MVB12B: variants seen among roughly 807,000 people sequenced by gnomAD.
The protein encoded by MVB12B is ESCRT-I complex subunit MVB12B.
MVB12B carries 16 observed loss-of-function variants against 41.6 expected under a neutral mutation model. The ratio of observed to expected loss-of-function variants is 0.38; its 90% CI spans 0.26 to 0.58. MVB12B has a LOEUF of 0.58. MVB12B is among the 20% of genes least tolerant of loss of function. The pLI, the probability that MVB12B is intolerant of heterozygous loss-of-function variation, is 0.62. For synonymous variants in MVB12B, 133 were observed against 139.7 expected, an observed-to-expected ratio of 0.95 and a Z score of 0.34; for missense variants, 274 against 380.2, an observed-to-expected ratio of 0.72 and a Z score of 2.32.
intron 7 of MVB12B, among the ~76,000 whole-genome samples, chr9:126,439,583 C>T (rs1832580630): frequency 6.6e-6 from 1 of 152,238 alleles, no homozygotes; most frequent in Non-Finnish European, 1.5e-5. Flanking sequence ...AAATGTGACT[C>T]AGAGCCTAGA....
chr9:126,403,691 T>G (rs1831332286), intron 6 of MVB12B, among the ~76,000 whole-genome samples: 1 of 152,202 alleles, frequency 6.6e-6, no homozygotes, highest in Non-Finnish European at 1.5e-5. Context: ...GTCATCTCAT[T>G]CCATGCTCAC....
At chr9:126,427,004 C>T (rs1832198757) in intron 7 of MVB12B, 2 of 152,230 alleles carry the variant, frequency 1.3e-5, no homozygotes, top group Admixed American at 1.3e-4. Context: ...TCTGCACTTT[C>T]CCACATTATT....
At chr9:126,393,583 A>C (rs1342634090) in intron 5 of MVB12B, among the ~76,000 whole-genome samples, 6 of 152,376 alleles carry the variant, frequency 3.9e-5, no homozygotes, top group South Asian at 2.1e-4. Flanking sequence ...CTCCATTGGA[A>C]CTCAAGGACA....
intron 6 of MVB12B, among the ~76,000 whole-genome samples, chr9:126,413,734 G>C (rs954167623): frequency 6.6e-6 from 1 of 152,090 alleles, no homozygotes; most frequent in East Asian, 1.9e-4. Context: ...GTATGGCAGA[G>C]GAAAAGTCTG....
intron 6 of MVB12B, chr9:126,396,770 C>T (rs1831125780): frequency 1.0e-6 from 1 of 985,330 alleles, no homozygotes; most frequent in Non-Finnish European, 1.2e-6. Flanking sequence ...CTTAACTACC[C>T]CTGGAATTGC....
At position 126,412,053 on chromosome 9, in the gene MVB12B, G is replaced by T. The variant is rs553782696; in HGVS notation, c.663-9801G>T. Among the ~76,000 whole-genome samples the T allele has an allele frequency of 4.6e-5, 7 of 152,314 alleles. 1 individual carries two copies. The South Asian group carries it at 1.4e-3, about 32-fold the overall frequency. On this transcript the variant is annotated intron_variant, in intron 6 of 9. Transcript: ENST00000361171. ...TTTAAGAAATAAGGTTCCCCAAACT[G>T]TCAGCAAGTGTGGGCAATGGTCAGG...
At chr9:126,330,816 GACTACCCTAGGTAGTCAAAC>G (rs1829108975) in intron 1 of MVB12B, among the ~76,000 whole-genome samples, 1 of 151,988 alleles carries the variant, frequency 6.6e-6, no homozygotes, top group Admixed American at 6.6e-5. Context: ...CTGTGAGTTT[GACTACCCTAGGTAGTCAAAC>G]TGTGTGATCC....
At chr9:126,482,883 C>T (rs1179920967) in intron 8 of MVB12B, among the ~76,000 whole-genome samples, 1 of 152,246 alleles carries the variant, frequency 6.6e-6, no homozygotes, top group Non-Finnish European at 1.5e-5. Context: ...GTGCAGCGCC[C>T]CGCAGCCCCA....
Position 126,340,710 on chromosome 9 carries a change from C to A in MVB12B, c.204+80C>A. 6.5e-7 allele frequency: 1 copy of A among 1,527,968 alleles called. No individual in the cohort carries two copies. The highest frequency in any genetic ancestry group is 9.0e-7 in the Non-Finnish European group (1 of 1,114,968). 94.7% of individuals were successfully genotyped at this position (1,527,968 alleles called of 1,614,324 possible). A position where few individuals can be genotyped will look rare whatever the true frequency, so the allele number is the denominator to read the frequency against. On this transcript the variant is annotated intron_variant, in intron 2 of 9. Coordinates refer to ENST00000361171, the MANE Select transcript of MVB12B (RefSeq NM_033446.3). The surrounding 1 kb of genome is among the most constrained non-coding windows in gnomAD (Gnocchi z 4.0). ...CTCCTGTGTCCAAGACCTTCTGGCCCTTGCGTGTAAGATGTGCTTCTTCCC... is the reference window on the plus strand; with the variant it reads ...CTCCTGTGTCCAAGACCTTCTGGCCATTGCGTGTAAGATGTGCTTCTTCCC...
rs926583895 is a variant in MVB12B, at chr9:126,395,107, G to A, written c.540-468G>A. On this transcript the variant is annotated intron_variant, in intron 5 of 9. Transcript: ENST00000361171. The surrounding 1 kb of genome is among the most constrained non-coding windows in gnomAD (Gnocchi z 4.9). ...AACTGACCCTGAGAATGAGTCCAAC[G>A]GCAGGTGACACCCAGCTGCAAGAGG... Among the ~76,000 whole-genome samples the A allele has an allele frequency of 1.3e-5, 2 of 152,146 alleles. No individual in the cohort carries two copies. Among genetic ancestry groups the A allele is most frequent in the Admixed American group, 1.3e-4 (2 of 15,272 alleles).
chr9:126,420,011 G>A (rs187161730), intron 6 of MVB12B, among the ~76,000 whole-genome samples: 14 of 152,256 alleles, frequency 9.2e-5, no homozygotes, highest in East Asian at 1.9e-4. Context: ...CTCTGCTTCC[G>A]ACGTGTGCCC....
intron 2 of MVB12B, among the ~76,000 whole-genome samples, chr9:126,373,942 T>G (rs1564295726): frequency 6.6e-6 from 1 of 152,262 alleles, no homozygotes; most frequent in African/African-American, 2.4e-5. Flanking sequence ...TATATTTGCC[T>G]AGATCCTTTT....
At position 126,420,377 on chromosome 9, in the gene MVB12B, C is replaced by T. The variant is rs559903465; in HGVS notation, c.663-1477C>T. ...CAAAGCCCTGAGCGTACAGTTGGTGCTTGATTCAGCCTGGCTGGGCTGTGG... is the reference window on the plus strand; with the variant it reads ...CAAAGCCCTGAGCGTACAGTTGGTGTTTGATTCAGCCTGGCTGGGCTGTGG... On this transcript the variant is annotated intron_variant, in intron 6 of 9. Transcript: ENST00000361171. 2.0e-5 allele frequency among the ~76,000 whole-genome samples: 3 copies of T among 152,296 alleles called. No homozygotes were observed. In the South Asian group the frequency reaches 6.2e-4, roughly 32 times the overall value.
chr9:126,476,934 A>T (rs1163177853), intron 7 of MVB12B, among the ~76,000 whole-genome samples: 1 of 152,076 alleles, frequency 6.6e-6, no homozygotes, highest in African/African-American at 2.4e-5. Context: ...ATATTTTTAC[A>T]TAATATATGT....
At chr9:126,446,981 G>A (rs1222575838) in intron 7 of MVB12B, among the ~76,000 whole-genome samples, 1 of 97,890 alleles carries the variant, frequency 1.0e-5, no homozygotes, top group East Asian at 3.2e-4. Context: ...GTCTCACTCT[G>A]TTGTCCAGGC....
intron 7 of MVB12B, among the ~76,000 whole-genome samples, chr9:126,432,249 A>G (rs1308097608): frequency 6.6e-6 from 1 of 152,226 alleles, no homozygotes; most frequent in Non-Finnish European, 1.5e-5. Flanking sequence ...GCATAATTGT[A>G]GACCTGGCCA....
chr9:126,377,871 G>A (rs1009150845), intron 2 of MVB12B, among the ~76,000 whole-genome samples: 8 of 152,202 alleles, frequency 5.3e-5, no homozygotes, highest in Non-Finnish European at 7.3e-5. Flanking sequence ...GACTTGGTTC[G>A]CTGTCAGAGC....
intron 8 of MVB12B, among the ~76,000 whole-genome samples, chr9:126,482,237 C>T (rs936442364): frequency 2.6e-5 from 4 of 152,258 alleles, no homozygotes; most frequent in Non-Finnish European, 5.9e-5. Flanking sequence ...TCAGCAAACC[C>T]GTTTCTGGTT....
intron 2 of MVB12B, among the ~76,000 whole-genome samples, chr9:126,346,872 C>T (rs1829604667): frequency 6.6e-6 from 1 of 152,158 alleles, no homozygotes; most frequent in African/African-American, 2.4e-5. Context: ...GAAGGGTGTC[C>T]ATTGGGTTTA....
Sources: allele counts gnomAD v4.1 joint callset (sites outside exome capture counted in the v4.1 genomes callset), GRCh38; gene constraint gnomAD v4.1.1; non-coding constraint Gnocchi (gnomAD v3.1); transcripts MANE v1.5; gene names NCBI Gene and HGNC (gene_info 2026-07-23, HGNC 2026-07-21).